SHQ1: variants seen among roughly 807,000 people sequenced by gnomAD.
The protein encoded by SHQ1 is protein SHQ1 homolog.
Under a neutral mutation model 53.8 loss-of-function variants are expected in SHQ1, and 49 were observed. That is an observed-to-expected ratio of 0.91 (90% CI 0.72 to 1.16). SHQ1 has a LOEUF of 1.16. Among genes scored for constraint, SHQ1 ranks in the 50% most tolerant of loss-of-function variants. The pLI is 0.00. For missense variants in SHQ1, 738 were observed against 683.1 expected, an observed-to-expected ratio of 1.08 and a Z score of -0.90; for synonymous variants, 243 against 251.0, an observed-to-expected ratio of 0.97 and a Z score of 0.30.
At chr3:72,802,249 G>C (rs1457631714) in intron 9 of SHQ1, among the ~76,000 whole-genome samples, 1 of 152,182 alleles carries the variant, frequency 6.6e-6, no homozygotes, top group Non-Finnish European at 1.5e-5. Flanking sequence ...CGGTGCCGTG[G>C]CTAGCACTCT....
chr3:72,840,253 A>AG (rs893052094), intron 4 of SHQ1, among the ~76,000 whole-genome samples: 1 of 150,204 alleles, frequency 6.7e-6, no homozygotes, highest in African/African-American at 2.4e-5. Flanking sequence ...AAAAAAAAAA[A>AG]AAAAAAAAAA....
intron 10 of SHQ1, among the ~76,000 whole-genome samples, chr3:72,767,597 G>T (rs1433463368): frequency 6.6e-6 from 1 of 152,172 alleles, no homozygotes; most frequent in Non-Finnish European, 1.5e-5. Context: ...TAATTTGCTG[G>T]ATACCTTTTT....
At chr3:72,842,174 T>A in intron 3 of SHQ1, 106 bp downstream of exon 3, 1 of 1,262,952 alleles carries the variant, frequency 7.9e-7, no homozygotes, top group Non-Finnish European at 1.1e-6. Context: ...ATACCTGAAG[T>A]ATTTTCTTCA....
chr3:72,824,419 C>T lies in SHQ1; in HGVS notation c.727+5G>A. ...AAACAAATTAGCCGAATTTGAGTTT[C>T]TTACCTAATGTAGCATGATTTTCTT... On this transcript the variant is annotated splice_donor_5th_base_variant and intron_variant, in intron 6 of 10. Coordinates refer to ENST00000325599, the MANE Select transcript of SHQ1 (RefSeq NM_018130.3). The T allele has an allele frequency of 6.2e-7, 1 of 1,609,024 alleles. No individual in the cohort carries two copies.
intron 9 of SHQ1, among the ~76,000 whole-genome samples, chr3:72,799,362 A>C (rs534023791): frequency 6.6e-6 from 1 of 152,218 alleles, no homozygotes; most frequent in Non-Finnish European, 1.5e-5. Flanking sequence ...TGATGAGACC[A>C]TATTATCAAA....
chr3:72,732,383 TGCCTG>T, the SHQ1 span, among the ~76,000 whole-genome samples: 128 of 132,170 alleles, frequency 9.7e-4, no homozygotes, highest in African/African-American at 3.5e-3. Context: ...CCTGCCTGCC[TGCCTG>T]CCTTCCTTCC....
intron 10 of SHQ1, among the ~76,000 whole-genome samples, chr3:72,777,091 G>A (rs1048445647): frequency 6.6e-6 from 1 of 152,034 alleles, no homozygotes; most frequent in Admixed American, 6.6e-5. Context: ...AAATGCAAAA[G>A]AATAAAAAAT....
intron 10 of SHQ1, among the ~76,000 whole-genome samples, chr3:72,772,237 G>T (rs1705870716): frequency 6.6e-6 from 1 of 150,560 alleles, no homozygotes; most frequent in South Asian, 2.1e-4. Context: ...AAAAAAAAAA[G>T]CTCCAGTTTA....
intron 2 of SHQ1, among the ~76,000 whole-genome samples, chr3:72,843,063 C>T (rs557997739): frequency 1.4e-4 from 20 of 146,442 alleles, no homozygotes; most frequent in East Asian, 9.9e-4. Context: ...GGCAACAGAG[C>T]GAGATTCTGT....
intron 10 of SHQ1, among the ~76,000 whole-genome samples, chr3:72,791,393 T>C (rs1246422668): frequency 1.3e-5 from 2 of 152,216 alleles, no homozygotes; most frequent in African/African-American, 4.8e-5. Flanking sequence ...ACACAAATGC[T>C]GACACCACCT....
intron 6 of SHQ1, among the ~76,000 whole-genome samples, chr3:72,818,229 G>A (rs1050807231): frequency 6.6e-6 from 1 of 151,998 alleles, no homozygotes; most frequent in African/African-American, 2.4e-5. Context: ...GTCAACTGGT[G>A]TGTAACTAAT....
At chr3:72,757,064 G>GT (rs539103954) in intron 10 of SHQ1, among the ~76,000 whole-genome samples, 1 of 152,152 alleles carries the variant, frequency 6.6e-6, no homozygotes. Flanking sequence ...CATACATCCT[G>GT]TTTTTTTGCT....
At chr3:72,757,880 C>A (rs966850666) in intron 10 of SHQ1, among the ~76,000 whole-genome samples, 2 of 152,130 alleles carry the variant, frequency 1.3e-5, no homozygotes, top group Admixed American at 6.5e-5. Context: ...AAGTACTAGG[C>A]TTAATACCTG....
At chr3:72,747,808 C>T (rs374383162), downstream of SHQ1, among the ~76,000 whole-genome samples, 2 of 151,868 alleles carry the variant, frequency 1.3e-5, no homozygotes, top group East Asian at 3.9e-4. Flanking sequence ...GCCAACATGG[C>T]GAAAACCCAT....
intron 10 of SHQ1, among the ~76,000 whole-genome samples, chr3:72,751,832 A>G (rs1705391052): frequency 6.6e-6 from 1 of 152,130 alleles, no homozygotes; most frequent in Non-Finnish European, 1.5e-5. Context: ...AATAGCTACA[A>G]TCCCCATGAA....
intron 5 of SHQ1, among the ~76,000 whole-genome samples, chr3:72,829,307 G>A (rs1183821372): frequency 6.6e-6 from 1 of 152,172 alleles, no homozygotes; most frequent in Non-Finnish European, 1.5e-5. Context: ...CATAGCACTT[G>A]ATTACAATAA....
intron 4 of SHQ1, among the ~76,000 whole-genome samples, chr3:72,836,675 A>G (rs1036492163): frequency 3.9e-5 from 6 of 152,180 alleles, no homozygotes; most frequent in African/African-American, 1.4e-4. Context: ...TGGACTCTAA[A>G]AAGAAACAGA....
the SHQ1 span, among the ~76,000 whole-genome samples, chr3:72,735,734 A>C: frequency 1.8e-5 from 2 of 113,528 alleles, no homozygotes; most frequent in African/African-American, 6.2e-5. Flanking sequence ...GGAAGGAAGG[A>C]AGGAAGGAAG....
intron 10 of SHQ1, among the ~76,000 whole-genome samples, chr3:72,787,921 G>A (rs1053209465): frequency 1.3e-5 from 2 of 152,232 alleles, no homozygotes; most frequent in Non-Finnish European, 2.9e-5. Context: ...TCGCCGTGCT[G>A]GCCGGGCTGG....
Sources: gnomAD v4.1 joint callset for allele counts (sites outside exome capture counted in the v4.1 genomes callset) on GRCh38, gnomAD v4.1.1 for gene constraint, MANE v1.5 for transcripts, NCBI Gene and HGNC (gene_info 2026-07-23, HGNC 2026-07-21) for gene names.